The following CPED1 variants were observed in gnomAD, a reference collection of about 807,000 sequenced individuals.
The protein encoded by CPED1 is cadherin like and PC-esterase domain containing 1.
In CPED1, 114 loss-of-function variants were observed where a neutral mutation model predicts 128.2. The ratio of observed to expected loss-of-function variants is 0.89; its 90% CI spans 0.76 to 1.04. The LOEUF (loss-of-function observed/expected upper bound fraction) is 1.04, where lower values mean the gene tolerates loss of function less well. Ranked by LOEUF, CPED1 falls within the 50% of genes least tolerant of loss-of-function variation. CPED1 has a pLI of 0.00. For missense variants in CPED1, 1,211 were observed against 1,207.1 expected, an observed-to-expected ratio of 1.00 and a Z score of -0.05; for synonymous variants, 462 against 426.7, an observed-to-expected ratio of 1.08 and a Z score of -1.02.
chr7:121,080,324 C>T (rs1312506132), intron 5 of CPED1, among the ~76,000 whole-genome samples: 1 of 152,178 alleles, frequency 6.6e-6, no homozygotes, highest in Non-Finnish European at 1.5e-5. Context: ...TCTTCCTCAA[C>T]TAATACATCG....
intron 2 of CPED1, among the ~76,000 whole-genome samples, chr7:120,991,012 C>T (rs2116724109): frequency 6.6e-6 from 1 of 152,344 alleles, no homozygotes; most frequent in Non-Finnish European, 1.5e-5. Flanking sequence ...AGCATTATGA[C>T]AAGATGCATC....
intron 3 of CPED1, among the ~76,000 whole-genome samples, chr7:121,030,273 T>C (rs553599455): frequency 1.3e-5 from 2 of 152,238 alleles, no homozygotes; most frequent in Non-Finnish European, 2.9e-5. Context: ...TAATACATTT[T>C]TAAATCAATA....
At chr7:121,251,265 AC>A (rs1403448871) in intron 18 of CPED1, among the ~76,000 whole-genome samples, 13 of 151,846 alleles carry the variant, frequency 8.6e-5, no homozygotes, top group Admixed American at 6.6e-5. Context: ...AAATTCAACA[AC>A]CCTTCATGCT....
intron 3 of CPED1, among the ~76,000 whole-genome samples, chr7:121,032,235 A>G (rs1792751253): frequency 6.6e-6 from 1 of 152,206 alleles, no homozygotes; most frequent in Non-Finnish European, 1.5e-5. Flanking sequence ...GATTTTAAGT[A>G]AGGACAAACA....
chr7:121,106,586 A>C (rs548843316), intron 7 of CPED1, among the ~76,000 whole-genome samples: 21 of 152,152 alleles, frequency 1.4e-4, no homozygotes, highest in African/African-American at 5.1e-4. Flanking sequence ...GAAAGATGGA[A>C]AAGTTCCTCA....
At chr7:121,186,608 T>A (rs1033075600) in intron 16 of CPED1, among the ~76,000 whole-genome samples, 4 of 152,160 alleles carry the variant, frequency 2.6e-5, no homozygotes, top group African/African-American at 9.6e-5. Flanking sequence ...TATAGATACC[T>A]GCAGTTTATT....
chr7:121,126,341 T>C (rs1399537012), intron 9 of CPED1, among the ~76,000 whole-genome samples: 3 of 152,140 alleles, frequency 2.0e-5, no homozygotes. Context: ...TTTTCTGATA[T>C]AGATATGTGT....
At chr7:121,101,729 G>C (rs1794855328) in intron 7 of CPED1, among the ~76,000 whole-genome samples, 1 of 152,060 alleles carries the variant, frequency 6.6e-6, no homozygotes, top group Admixed American at 6.6e-5. Context: ...ACTGATGGTG[G>C]AAGGCAAAGT....
chr7:121,018,192 T>G (rs1792352995), intron 3 of CPED1, among the ~76,000 whole-genome samples: 1 of 152,210 alleles, frequency 6.6e-6, no homozygotes, highest in African/African-American at 2.4e-5. Context: ...GATGATTTAT[T>G]GTATAAAAAG....
intron 5 of CPED1, among the ~76,000 whole-genome samples, chr7:121,090,929 G>A (rs528525336): frequency 1.7e-4 from 26 of 152,086 alleles, no homozygotes; most frequent in African/African-American, 5.5e-4. Context: ...CAGCCTGAGT[G>A]ACAGAGTGAG....
rs150779264 is a variant in CPED1, at chr7:121,089,028, G to A, written c.617-8671G>A. 8.5e-5 allele frequency among the ~76,000 whole-genome samples: 13 copies of A among 152,254 alleles called. No homozygotes were observed. The East Asian group carries it at 2.5e-3, about 29-fold the overall frequency. On this transcript the variant is annotated intron_variant, in intron 5 of 22. Transcript: ENST00000310396. ...CCTGGCTTCTGACTCAGGCCCTTGG[G>A]TCCTCATCTATGAGGAGTGAACTCT...
At chr7:121,203,383 A>G (rs1040268359) in intron 16 of CPED1, among the ~76,000 whole-genome samples, 4 of 152,092 alleles carry the variant, frequency 2.6e-5, no homozygotes, top group African/African-American at 9.7e-5. Context: ...CAGCAAACAT[A>G]CAAATCACCC....
At chr7:121,256,339 C>T (rs1791875712) in intron 18 of CPED1, among the ~76,000 whole-genome samples, 2 of 151,886 alleles carry the variant, frequency 1.3e-5, no homozygotes, top group South Asian at 2.1e-4. Context: ...GTGAAAGGCT[C>T]TTTATTCAAT....
At chr7:121,105,517 G>A (rs1794953944) in intron 7 of CPED1, among the ~76,000 whole-genome samples, 1 of 152,230 alleles carries the variant, frequency 6.6e-6, no homozygotes, top group South Asian at 2.1e-4. Context: ...GCTGTAGAAA[G>A]AATGTGAATA....
rs182446652 is a variant in CPED1, at chr7:120,990,698, T to C, written c.249+828T>C. 8.3e-4 allele frequency among the ~76,000 whole-genome samples: 127 copies of C among 152,320 alleles called. 1 individual carries two copies. Among genetic ancestry groups the C allele is most frequent in the African/African-American group, 2.8e-3 (115 of 41,574 alleles). On this transcript the variant is annotated intron_variant, in intron 2 of 22. Coordinates refer to ENST00000310396, the MANE Select transcript of CPED1 (RefSeq NM_024913.5). ...GTGGCAAAGCTACTAAATTTTATGTTACAACAAGTAGTATTGTAGCAACAA... is the reference window on the plus strand; with the variant it reads ...GTGGCAAAGCTACTAAATTTTATGTCACAACAAGTAGTATTGTAGCAACAA...
chr7:121,256,130 A>AAAAAAAAAC (rs1562852745), intron 18 of CPED1, among the ~76,000 whole-genome samples: 6 of 35,192 alleles, frequency 1.7e-4, no homozygotes, highest in African/African-American at 2.7e-4. Flanking sequence ...AAAACAAAAC[A>AAAAAAAAAC]AAAAAAAAAA....
intron 4 of CPED1, among the ~76,000 whole-genome samples, chr7:121,060,698 C>T (rs1793638105): frequency 6.6e-6 from 1 of 152,202 alleles, no homozygotes; most frequent in Admixed American, 6.5e-5. Context: ...GACTACTGGG[C>T]TCTACCAGGC....
At chr7:121,246,603 G>A (rs1222649212) in intron 18 of CPED1, among the ~76,000 whole-genome samples, 3 of 152,136 alleles carry the variant, frequency 2.0e-5, no homozygotes, top group Non-Finnish European at 4.4e-5. Flanking sequence ...TTATCTAAAC[G>A]TAATGACCTC....
rs1288544604 is a variant in CPED1, at chr7:121,113,233, G to A, written c.919-11098G>A. Among the ~76,000 whole-genome samples, 5 of 152,276 alleles carry A rather than the reference G, an allele frequency of 3.3e-5. No homozygotes were observed. The East Asian group carries it at 9.6e-4, about 29-fold the overall frequency. The stretch of plus-strand genomic sequence containing the variant: ...ACTCAGTTGTACTCCAGAACTGTTT[G>A]GAAATCCCTACTATGTGCTGGGCCA... On this transcript the variant is annotated intron_variant, in intron 7 of 22. Transcript: ENST00000310396.
Sources: allele counts gnomAD v4.1 joint callset (sites outside exome capture counted in the v4.1 genomes callset), GRCh38; gene constraint gnomAD v4.1.1; transcripts MANE v1.5; gene names NCBI Gene and HGNC (gene_info 2026-07-23, HGNC 2026-07-21).